Variants in ZNF613 observed in about 807,000 individuals in gnomAD.
ZNF613 encodes the protein zinc finger protein 613.
Under a neutral mutation model 14.3 loss-of-function variants are expected in ZNF613, and 8 were observed. That is an observed-to-expected ratio of 0.56 (90% confidence interval 0.33 to 1.01). The LOEUF (loss-of-function observed/expected upper bound fraction) is 1.01. ZNF613 is among the 50% of genes least tolerant of loss of function. The pLI, the probability that ZNF613 is intolerant of heterozygous loss-of-function variation, is 0.03. For missense variants in ZNF613, 656 were observed against 741.9 expected (o/e 0.88, Z 1.35); for synonymous variants, 228 against 254.5 (o/e 0.90, Z 0.99).
At chr19:51,933,829 A>T (rs187601402) in intron 2 of ZNF613, among the ~76,000 whole-genome samples, 1 of 152,224 alleles carries the variant, frequency 6.6e-6, no homozygotes, top group Admixed American at 6.5e-5. Context: ...GATGGAGTCT[A>T]GCTCTGTCAC....
At position 51,944,156 on chromosome 19, in the gene ZNF613, AC is replaced by A. The variant is rs750411166; in HGVS notation, c.274del (p.Gln92LysfsTer6). ...TTGACAATCATCTACAGATGCACTCACAAAAGCAAAGATGTCTGAAGAGAGT... is the reference window on the plus strand; with the variant it reads ...TTGACAATCATCTACAGATGCACTCAAAAAGCAAAGATGTCTGAAGAGAGT... ...KVDNHLQMHS[Q>X]KQRCLKRVEQ... On this transcript the variant is annotated frameshift_variant, in exon 6 of 6. Transcript: ENST00000293471. LOFTEE classifies it low-confidence loss of function (END_TRUNC). 3.2e-5 allele frequency: 50 copies of A among 1,549,552 alleles called. No homozygotes were observed. The highest frequency in any genetic ancestry group is 4.2e-5 in the Non-Finnish European group (48 of 1,148,700).
chr19:51,944,382 G>A lies in ZNF613; in HGVS notation c.499G>A (p.Ala167Thr), dbSNP rs2085375103. Reference sequence around the variant, plus strand: ...TGGAGATGGGAAATCCTTCCTTCATGCCAAGCATGAACAATTTCATAATGA... The same window carrying A: ...TGGAGATGGGAAATCCTTCCTTCATACCAAGCATGAACAATTTCATAATGA... ...VNGDGKSFLH[A>T]KHEQFHNEMN... The change falls in exon 6 of 6, where the codon GCC becomes ACC. Residue 167 changes from alanine (A) to threonine (T), a missense_variant. Ala to Thr is a moderately conservative substitution (Grantham distance 58). Transcript: ENST00000293471. 6.2e-7 allele frequency: 1 copy of A among 1,604,172 alleles called. No individual in the cohort carries two copies. The highest frequency in any genetic ancestry group is 8.5e-7 in the Non-Finnish European group (1 of 1,172,202).
rs73582152 is a variant in ZNF613 at position 51,930,781 on chromosome 19, A to G, written c.-194+885A>G. ...TTTTTATTGTTTTTATTTCTCTTAT[A>G]TATAAGCCTAGAAATGGAGTTGTTG... On this transcript the variant is annotated intron_variant, in intron 2 of 5. Transcript: ENST00000293471. 3.8e-3 allele frequency among the ~76,000 whole-genome samples: 571 copies of G among 152,246 alleles called. 3 individuals are homozygous for G. The highest frequency in any genetic ancestry group is 0.013 in the African/African-American group (530 of 41,532).
chr19:51,937,728 T>C (rs1483669910), intron 3 of ZNF613, among the ~76,000 whole-genome samples: 1 of 66,112 alleles, frequency 1.5e-5, no homozygotes, highest in Non-Finnish European at 2.5e-5. Context: ...CTTTTTTCTT[T>C]TTTTTTTTTT....
Position 51,946,415 on chromosome 19 carries a change from AAG to A in ZNF613, c.*681_*682del, listed in dbSNP as rs1599913308. 2.0e-5 allele frequency: 3 copies of A among 152,274 alleles called. No individual in the cohort carries two copies. Among genetic ancestry groups the A allele is most frequent in the East Asian group, 1.9e-4 (1 of 5,188 alleles). The allele number at this position is 152,274 out of a possible 1,614,324, so 9.4% of individuals were successfully genotyped here. On this transcript the variant is annotated 3_prime_UTR_variant, in exon 6 of 6. Transcript: ENST00000293471. Reference sequence around the variant, plus strand: ...ATGTACCTCTTCCCCCTTTTTTGATAAGAGTCTTCTATTCCCAACCAAGATCA... The same window carrying A: ...ATGTACCTCTTCCCCCTTTTTTGATAAGTCTTCTATTCCCAACCAAGATCA...
Position 51,946,257 on chromosome 19 carries a change from ACAT to A in ZNF613, c.*524_*526del, listed in dbSNP as rs1355203099. 6.9e-5 allele frequency: 11 copies of A among 159,232 alleles called. No homozygotes were observed. The highest frequency in any genetic ancestry group is 2.4e-4 in the African/African-American group (10 of 41,618). The allele number at this position is 159,232 out of a possible 1,614,324, so 9.9% of individuals were successfully genotyped here. ...TTTAGAGATTTCGATCAGAAATCTAACATCATTATATGGCAGATAATATACAGG... is the reference window on the plus strand; with the variant it reads ...TTTAGAGATTTCGATCAGAAATCTAACATTATATGGCAGATAATATACAGG... On this transcript the variant is annotated 3_prime_UTR_variant, in exon 6 of 6. Transcript: ENST00000293471.
intron 5 of ZNF613, 92 bp from the exon 6 acceptor site, chr19:51,944,027 G>A (rs2085371155): frequency 1.0e-5 from 10 of 994,184 alleles, no homozygotes; most frequent in Non-Finnish European, 1.4e-5. Flanking sequence ...AGTGGAAATA[G>A]TGTGGTCAGT....
At chr19:51,927,591 GCGTC>G (rs898934892) in intron 1 of ZNF613, 51 bp downstream of exon 1, 1 of 152,870 alleles carries the variant, frequency 6.5e-6, no homozygotes, top group African/African-American at 2.4e-5. Context: ...GTGTCTGTGG[GCGTC>G]CGTTTAGTGC....
intron 4 of ZNF613, 95 bp from the exon 5 acceptor site, chr19:51,940,522 A>G: frequency 6.7e-7 from 1 of 1,490,878 alleles, no homozygotes; most frequent in Non-Finnish European, 9.1e-7. Context: ...GCAGACACAT[A>G]AATTACATAG....
chr19:51,940,578 T>C, intron 4 of ZNF613, 39 bp from the exon 5 acceptor site: 3 of 1,585,202 alleles, frequency 1.9e-6, no homozygotes, highest in Non-Finnish European at 2.6e-6. Context: ...CACAGCTCAA[T>C]TCAATGAGCC....
At chr19:51,929,455 G>A (rs1238377181) in intron 1 of ZNF613, among the ~76,000 whole-genome samples, 1 of 151,900 alleles carries the variant, frequency 6.6e-6, no homozygotes, top group Non-Finnish European at 1.5e-5. Flanking sequence ...TTTTAATTTT[G>A]ACCTTTCTGT....
chr19:51,934,089 C>T (rs2085287831), intron 2 of ZNF613, among the ~76,000 whole-genome samples: 1 of 152,194 alleles, frequency 6.6e-6, no homozygotes, highest in African/African-American at 2.4e-5. Context: ...AAGCATGAGC[C>T]ACCATGCCCG....
In ZNF613 at chr19:51,927,508, T is replaced by C. The variant is rs549136150; in HGVS notation, c.-391T>C. 2.0e-5 allele frequency: 3 copies of C among 152,180 alleles called. No individual in the cohort carries two copies. Among genetic ancestry groups the C allele is most frequent in the Non-Finnish European group, 4.4e-5 (3 of 68,110 alleles). The allele number at this position is 152,180 out of a possible 1,614,324, so 9.4% of individuals were successfully genotyped here. ...GAATAATTCAGGAAAGTGCAGGTTC[T>C]GGGAAGTCTCGGTGGGTTCCCCGCA... On this transcript the variant is annotated 5_prime_UTR_variant, in exon 1 of 6. Coordinates refer to ENST00000293471, the MANE Select transcript of ZNF613 (RefSeq NM_001031721.4).
chr19:51,940,460 C>T, intron 4 of ZNF613, 125 bp downstream of exon 4: 1 of 1,552,034 alleles, frequency 6.4e-7, no homozygotes, highest in South Asian at 1.2e-5. Context: ...CTCTCTGGCC[C>T]CAGATAAAAG....
chr19:51,945,842 C>G lies in ZNF613; in HGVS notation c.*105C>G, dbSNP rs768924665. On this transcript the variant is annotated 3_prime_UTR_variant, in exon 6 of 6. Transcript: ENST00000293471. ...AACTGATATATTCAAGGTGGAAAGC[C>G]CTTGAATAAAACCTTATGGCTAATA... 2.6e-5 allele frequency: 34 copies of G among 1,316,360 alleles called. No homozygotes were observed. The African/African-American group carries it at 4.9e-4, about 19-fold the overall frequency. The allele number at this position is 1,316,360 out of a possible 1,614,324, so 81.5% of individuals were successfully genotyped here. A position where few individuals can be genotyped will look rare whatever the true frequency, so the allele number is the denominator to read the frequency against.
chr19:51,928,536 C>T lies in ZNF613; in HGVS notation c.-359+996C>T, dbSNP rs571838205. Among the ~76,000 whole-genome samples the T allele has an allele frequency of 1.7e-4, 26 of 152,222 alleles. No homozygotes were observed. In the South Asian group the frequency reaches 5.2e-3, roughly 30 times the overall value. ...TCTCTCATCCTGGTAAATAGGAAAG[C>T]TTTGGGGAAGATCAAAGATTAATCA... On this transcript the variant is annotated intron_variant, in intron 1 of 5. Transcript: ENST00000293471.
chr19:51,937,823 A>C (rs2085316661), intron 3 of ZNF613, among the ~76,000 whole-genome samples: 1 of 143,680 alleles, frequency 7.0e-6, no homozygotes, highest in Non-Finnish European at 1.5e-5. Flanking sequence ...TCTGCCTCCC[A>C]GGCTGAAGTG....
chr19:51,933,827 C>T (rs1020053743), intron 2 of ZNF613, among the ~76,000 whole-genome samples: 1 of 152,196 alleles, frequency 6.6e-6, no homozygotes, highest in Non-Finnish European at 1.5e-5. Flanking sequence ...GAGATGGAGT[C>T]TAGCTCTGTC....
chr19:51,932,994 C>G (rs906037689), intron 2 of ZNF613, among the ~76,000 whole-genome samples: 6 of 152,144 alleles, frequency 3.9e-5, no homozygotes. Flanking sequence ...GACATTTTCA[C>G]TTAGCATAAT....
Sources: gnomAD v4.1 joint callset for allele counts (sites outside exome capture counted in the v4.1 genomes callset) on GRCh38, gnomAD v4.1.1 for gene constraint, MANE v1.5 for transcripts, NCBI Gene and HGNC (gene_info 2026-07-23, HGNC 2026-07-21) for gene names.